Variants in TPST1 observed in about 807,000 individuals in gnomAD.
TPST1 encodes the protein protein-tyrosine sulfotransferase 1.
Under a neutral mutation model 34.8 loss-of-function variants are expected in TPST1, and 20 were observed. The ratio of observed to expected loss-of-function variants is 0.57; its 90% CI spans 0.40 to 0.84. The LOEUF is 0.84. TPST1 is among the 40% of genes least tolerant of loss of function. The pLI is 0.00. For synonymous variants in TPST1, 152 were observed against 159.4 expected (o/e 0.95, Z 0.35); for missense variants, 353 against 455.5 (o/e 0.78, Z 2.05).
intron 1 of TPST1, among the ~76,000 whole-genome samples, chr7:66,232,546 T>G (rs1789820493): frequency 6.6e-6 from 1 of 152,118 alleles, no homozygotes. Flanking sequence ...CTAATTTTTT[T>G]ATGGGTTTCA....
Position 66,304,268 on chromosome 7 carries a change from T to A in TPST1, c.1044+17559T>A, listed in dbSNP as rs144238803. On this transcript the variant is annotated intron_variant, in intron 3 of 5. Coordinates refer to ENST00000304842, the MANE Select transcript of TPST1 (RefSeq NM_003596.4). ...TGCAGCTCTAGAGAGGGCAGAGAAG[T>A]GCTAGGAAACTGCCTCTCGCTGCCA... Among the ~76,000 whole-genome samples, 5 of 152,244 alleles carry A rather than the reference T, an allele frequency of 3.3e-5. No homozygotes were observed. In the East Asian group the frequency reaches 9.7e-4, roughly 29 times the overall value.
chr7:66,241,405 G>A (rs1435910925), intron 2 of TPST1, 135 bp downstream of exon 2: 1 of 1,032,748 alleles, frequency 9.7e-7, no homozygotes, highest in Non-Finnish European at 1.3e-6. Context: ...ACCTTTTCTG[G>A]AACAGATACA....
intron 3 of TPST1, among the ~76,000 whole-genome samples, chr7:66,301,754 C>T (rs1322424036): frequency 7.2e-5 from 11 of 152,128 alleles, no homozygotes; most frequent in Admixed American, 5.9e-4. Context: ...GGCTTAGGAT[C>T]GTGGCACCCC....
intron 4 of TPST1, among the ~76,000 whole-genome samples, chr7:66,355,144 TAGTG>T (rs1474472157): frequency 6.6e-6 from 1 of 151,940 alleles, no homozygotes; most frequent in Non-Finnish European, 1.5e-5. Flanking sequence ...GAGAGTAAAA[TAGTG>T]AGCCTAAGTA....
chr7:66,256,513 G>T (rs966756416), intron 2 of TPST1, among the ~76,000 whole-genome samples: 2 of 152,160 alleles, frequency 1.3e-5, no homozygotes, highest in African/African-American at 4.8e-5. Context: ...TTCCTTCTCT[G>T]TCTTAGGTGG....
chr7:66,258,426 C>T (rs1790422047), intron 2 of TPST1, among the ~76,000 whole-genome samples: 1 of 152,118 alleles, frequency 6.6e-6, no homozygotes, highest in African/African-American at 2.4e-5. Flanking sequence ...TATCCACAGA[C>T]CATTTATTAG....
intron 1 of TPST1, among the ~76,000 whole-genome samples, chr7:66,206,359 T>C (rs1789131709): frequency 6.6e-6 from 1 of 152,104 alleles, no homozygotes; most frequent in Non-Finnish European, 1.5e-5. Flanking sequence ...GCCTGGCACA[T>C]GGTGGGTGGT....
At position 66,241,169 on chromosome 7, in the gene TPST1, G is replaced by T; in HGVS notation, c.744G>T (p.Arg248=). ...HYEQLVLHPE[R]WMRTLLKFLQ... is the part of the protein sequence containing the mutation. ...AACAACTTGTCTTACATCCTGAACG[G>T]TGGATGAGAACACTCTTAAAGTTCC... Residue 248 remains arginine, a synonymous_variant, in exon 2 of 6, where the codon CGG becomes CGT. Coordinates refer to ENST00000304842, the MANE Select transcript of TPST1 (RefSeq NM_003596.4). 6.2e-7 allele frequency: 1 copy of T among 1,614,192 alleles called. No individual in the cohort carries two copies. The highest frequency in any genetic ancestry group is 8.5e-7 in the Non-Finnish European group (1 of 1,180,022).
intron 2 of TPST1, among the ~76,000 whole-genome samples, chr7:66,275,518 T>C (rs929109380): frequency 1.3e-5 from 2 of 152,214 alleles, no homozygotes; most frequent in Non-Finnish European, 2.9e-5. Flanking sequence ...GCGGCATACA[T>C]ACACAATGGA....
chr7:66,238,227 A>G (rs930639945), intron 1 of TPST1, among the ~76,000 whole-genome samples: 11 of 152,102 alleles, frequency 7.2e-5, no homozygotes, highest in South Asian at 2.1e-4. Context: ...CAGACCTCCA[A>G]TAAACTTGTT....
chr7:66,313,235 G>A (rs1036709619), intron 3 of TPST1, among the ~76,000 whole-genome samples: 9 of 152,056 alleles, frequency 5.9e-5, no homozygotes, highest in African/African-American at 2.2e-4. Flanking sequence ...CCAACATGGT[G>A]AAACCCTGAA....
At chr7:66,297,697 TG>T (rs1791230274) in intron 3 of TPST1, among the ~76,000 whole-genome samples, 1 of 152,184 alleles carries the variant, frequency 6.6e-6, no homozygotes, top group African/African-American at 2.4e-5. Flanking sequence ...TGAAGTCAGC[TG>T]GGGGACAGGG....
upstream of TPST1, among the ~76,000 whole-genome samples, chr7:66,202,679 G>A (rs548318767): frequency 1.3e-4 from 20 of 152,284 alleles, no homozygotes; most frequent in Admixed American, 6.5e-4. Flanking sequence ...AAAGCAGAAT[G>A]TAACTTGGCC....
At chr7:66,357,433 T>C (rs1299265650) in intron 5 of TPST1, among the ~76,000 whole-genome samples, 2 of 152,264 alleles carry the variant, frequency 1.3e-5, no homozygotes, top group Admixed American at 6.5e-5. Context: ...TGTTTGTTTC[T>C]TGGTTGGTTT....
At chr7:66,262,290 C>A (rs1790503535) in intron 2 of TPST1, among the ~76,000 whole-genome samples, 2 of 152,136 alleles carry the variant, frequency 1.3e-5, no homozygotes, top group African/African-American at 2.4e-5. Flanking sequence ...TGGGGCAAAA[C>A]CCTGTCCTTC....
chr7:66,233,116 G>T (rs1029142950), intron 1 of TPST1, among the ~76,000 whole-genome samples: 1 of 151,124 alleles, frequency 6.6e-6, no homozygotes, highest in African/African-American at 2.4e-5. Flanking sequence ...CCCTTCTCAG[G>T]CATATAATTT....
At chr7:66,247,775 C>G (rs992687822) in intron 2 of TPST1, among the ~76,000 whole-genome samples, 2 of 152,160 alleles carry the variant, frequency 1.3e-5, no homozygotes, top group African/African-American at 4.8e-5. Context: ...AAGCCTGTGC[C>G]TAACTGTGGT....
intron 4 of TPST1, chr7:66,352,951 T>C (rs1584262775): frequency 1.0e-6 from 1 of 985,274 alleles, no homozygotes; most frequent in African/African-American, 1.7e-5. Context: ...CCCCTTTGAC[T>C]TTTCTCATTT....
intron 2 of TPST1, among the ~76,000 whole-genome samples, chr7:66,270,214 G>A (rs1790678412): frequency 1.3e-5 from 2 of 152,184 alleles, no homozygotes; most frequent in African/African-American, 4.8e-5. Context: ...CTACAAAGAT[G>A]TCAATAGGAC....
Sources: allele counts gnomAD v4.1 joint callset (sites outside exome capture counted in the v4.1 genomes callset), GRCh38; gene constraint gnomAD v4.1.1; transcripts MANE v1.5; gene names NCBI Gene and HGNC (gene_info 2026-07-23, HGNC 2026-07-21).